Variants in NUP98 observed in about 807,000 individuals in gnomAD.
NUP98 encodes the protein nucleoporin 98 and 96 precursor.
In NUP98, 26 loss-of-function variants were observed where a neutral mutation model predicts 191.9. The ratio of observed to expected loss-of-function variants is 0.14; its 90% confidence interval spans 0.10 to 0.19. The LOEUF is 0.19. Ranked by LOEUF, NUP98 falls within the 10% of genes least tolerant of loss-of-function variation. The probability of loss-of-function intolerance (pLI) is 1.00; values close to 1 mark genes in which losing one functional copy is unlikely to be tolerated. For synonymous variants in NUP98, 808 were observed against 778.4 expected (o/e 1.04, Z -0.63); for missense variants, 1,941 against 2,178.8 (o/e 0.89, Z 2.17).
chr11:3,744,911 T>A (rs1483349524), intron 11 of NUP98, among the ~76,000 whole-genome samples: 1 of 152,188 alleles, frequency 6.6e-6, no homozygotes, highest in African/African-American at 2.4e-5. Context: ...TAGATAGTAA[T>A]CCTAAAATTA....
At chr11:3,720,851 A>AG (rs765229727) in intron 16 of NUP98, 26 bp from the exon 17 acceptor site, 2 of 852,484 alleles carry the variant, frequency 2.3e-6, no homozygotes, top group Non-Finnish European at 3.7e-6. Context: ...AAAAAAAAAC[A>AG]GAAAAAAAAA....
At chr11:3,702,309 ACACACTCT>A (rs1417231353) in intron 23 of NUP98, among the ~76,000 whole-genome samples, 146 bp downstream of exon 23, 295 of 53,204 alleles carry the variant, frequency 5.5e-3, no homozygotes, top group Admixed American at 0.011. Context: ...ACACACACAC[ACACACTCT>A]CTCTCTCTCT....
At chr11:3,787,417 T>C (rs143554637) in intron 1 of NUP98, among the ~76,000 whole-genome samples, 175 of 152,010 alleles carry the variant, frequency 1.2e-3, no homozygotes, top group African/African-American at 3.9e-3. Flanking sequence ...CCCCCGTCTC[T>C]AATAAAAATA....
In NUP98 at chr11:3,773,783, A is replaced by G. The variant is rs751929667; in HGVS notation, c.496-44T>C. 8 of 1,125,414 alleles carry G rather than the reference A, an allele frequency of 7.1e-6. No individual in the cohort carries two copies. The South Asian group carries it at 8.9e-5, about 13-fold the overall frequency. The allele number at this position is 1,125,414 out of a possible 1,614,324, so 69.7% of individuals were successfully genotyped here. On this transcript the variant is annotated intron_variant, in intron 5 of 32. Coordinates refer to ENST00000324932, the MANE Select transcript of NUP98 (RefSeq NM_016320.5). The stretch of plus-strand genomic sequence containing the variant: ...GCAAATTTGTAGGTCCAAGTTTTAC[A>G]TTCCTACTCTCTCAGATACAATTTC...
At chr11:3,753,284 A>T (rs1471133280) in intron 11 of NUP98, 32 bp downstream of exon 11, 10 of 1,523,560 alleles carry the variant, frequency 6.6e-6, no homozygotes, top group Middle Eastern at 1.7e-4. Flanking sequence ...AAGCTGTGTC[A>T]CTTCCTAGAT....
intron 24 of NUP98, 24 bp downstream of exon 24, chr11:3,700,586 A>G (rs769312399): frequency 2.0e-6 from 3 of 1,518,602 alleles, no homozygotes; most frequent in Admixed American, 1.7e-5. Context: ...GACATCAAAC[A>G]TTAGAAACAT....
chr11:3,707,479 GGCTCAA>G (rs2134141465), intron 20 of NUP98, among the ~76,000 whole-genome samples: 1 of 152,078 alleles, frequency 6.6e-6, no homozygotes, highest in African/African-American at 2.4e-5. Context: ...TGGGTTTGAT[GGCTCAA>G]GCTTGTAATC....
At chr11:3,739,620 C>A (rs2080204543) in intron 12 of NUP98, among the ~76,000 whole-genome samples, 1 of 152,092 alleles carries the variant, frequency 6.6e-6, no homozygotes, top group Non-Finnish European at 1.5e-5. Flanking sequence ...TCCGCTCTCT[C>A]CAAGACCTTA....
intron 12 of NUP98, among the ~76,000 whole-genome samples, chr11:3,735,942 A>C (rs771789156): frequency 1.8e-4 from 24 of 134,832 alleles, no homozygotes; most frequent in Non-Finnish European, 3.4e-4. Context: ...ACACACACAC[A>C]CCCAGGCTGG....
Position 3,688,820 on chromosome 11 carries a change from C to CATATACATATATATAT in NUP98, c.4454+2526_4454+2527insATATATATATGTATAT, listed in dbSNP as rs1388681065. On this transcript the variant is annotated intron_variant, in intron 28 of 32. Transcript: ENST00000324932. The stretch of plus-strand genomic sequence containing the variant: ...AAATATATATATGTATTTAAATATA[C>CATATACATATATATAT]ATATATATATATATATATATATTTA... 2.9e-3 allele frequency among the ~76,000 whole-genome samples: 389 copies of CATATACATATATATAT among 136,232 alleles called. 1 individual carries two copies. Among genetic ancestry groups the CATATACATATATATAT allele is most frequent in the African/African-American group, 0.011 (380 of 35,628 alleles). 89.4% of individuals were successfully genotyped at this position (136,232 alleles called of 152,430 possible).
chr11:3,694,278 G>A (rs926935048), intron 26 of NUP98, among the ~76,000 whole-genome samples: 9 of 152,020 alleles, frequency 5.9e-5, no homozygotes, highest in Non-Finnish European at 1.2e-4. Context: ...GGCTGAGGCA[G>A]GAGAATCGCC....
intron 8 of NUP98, among the ~76,000 whole-genome samples, chr11:3,766,720 C>T (rs1466642912): frequency 6.7e-6 from 1 of 150,300 alleles, no homozygotes; most frequent in Non-Finnish European, 1.5e-5. Context: ...AGAGAGAAGC[C>T]TGAGGGTCCT....
At chr11:3,753,181 C>T in intron 11 of NUP98, 135 bp downstream of exon 11, 1 of 731,370 alleles carries the variant, frequency 1.4e-6, no homozygotes, top group Admixed American at 2.6e-5. Context: ...CTGGGAATGT[C>T]TTATAAACGC....
intron 29 of NUP98, 34 bp from the exon 30 acceptor site, chr11:3,683,475 C>T: frequency 6.2e-7 from 1 of 1,609,810 alleles, no homozygotes; most frequent in Admixed American, 1.7e-5. Flanking sequence ...TAAATCCCAT[C>T]CTCATTCATG....
intron 31 of NUP98, 197 bp from the exon 32 acceptor site, chr11:3,676,817 AACACAG>A (rs2077827991): frequency 1.7e-5 from 12 of 698,564 alleles, no homozygotes; most frequent in African/African-American, 5.2e-5. Flanking sequence ...AGAGGAAGGT[AACACAG>A]TTACCTAGCC....
At position 3,677,920 on chromosome 11, in the gene NUP98, C is replaced by T. The variant is rs542172719; in HGVS notation, c.5074-1300G>A. ...CAATTATTAAGCATTTAGTAGAGGC[C>T]GAGGTCAGGAGTTTGAGACCAGCCT... On this transcript the variant is annotated intron_variant, in intron 31 of 32. Coordinates refer to ENST00000324932, the MANE Select transcript of NUP98 (RefSeq NM_016320.5). Among the ~76,000 whole-genome samples, 123 of 151,914 alleles carry T rather than the reference C, an allele frequency of 8.1e-4. 1 individual carries two copies. The highest frequency in any genetic ancestry group is 7.6e-4 in the Non-Finnish European group (52 of 67,990).
chr11:3,711,853 T>G, intron 20 of NUP98: 2 of 1,033,374 alleles, frequency 1.9e-6, no homozygotes, highest in Non-Finnish European at 2.3e-6. Context: ...AAGAGATTAT[T>G]TAATAAATCA....
chr11:3,721,570 G>A (rs569892061), intron 16 of NUP98, among the ~76,000 whole-genome samples: 1 of 152,002 alleles, frequency 6.6e-6, no homozygotes, highest in African/African-American at 2.4e-5. Flanking sequence ...ATGGTGGCGG[G>A]TGCTTGTAAT....
intron 1 of NUP98, among the ~76,000 whole-genome samples, chr11:3,784,839 T>C (rs1032204177): frequency 6.6e-5 from 10 of 152,158 alleles, no homozygotes; most frequent in Admixed American, 3.3e-4. Context: ...TTCAAGTTAC[T>C]CTAAAGCACA....
Sources: gnomAD v4.1 joint callset for allele counts (sites outside exome capture counted in the v4.1 genomes callset) on GRCh38, gnomAD v4.1.1 for gene constraint, MANE v1.5 for transcripts, NCBI Gene and HGNC (gene_info 2026-07-23, HGNC 2026-07-21) for gene names.